Variants in SLC4A4 observed in about 807,000 individuals in gnomAD.
SLC4A4 encodes electrogenic sodium bicarbonate cotransporter 1.
SLC4A4 carries 27 observed loss-of-function variants against 111.5 expected under a neutral mutation model. The observed-to-expected ratio is 0.24, with a 90% CI of 0.18 to 0.33. SLC4A4 has a LOEUF of 0.33. Ranked by LOEUF, SLC4A4 falls within the 10% of genes least tolerant of loss-of-function variation. The pLI, the probability that SLC4A4 is intolerant of heterozygous loss-of-function variation, is 1.00. For missense variants in SLC4A4, 909 were observed against 1,315.5 expected, an observed-to-expected ratio of 0.69 and a Z score of 4.78; for synonymous variants, 443 against 463.4, an observed-to-expected ratio of 0.96 and a Z score of 0.57.
Position 71,283,158 on chromosome 4 carries a change from C to T in SLC4A4, c.253+27759C>T, listed in dbSNP as rs530131585. Among the ~76,000 whole-genome samples, 7 of 152,320 alleles carry T rather than the reference C, an allele frequency of 4.6e-5. No individual in the cohort carries two copies. The South Asian group carries it at 1.5e-3, about 32-fold the overall frequency. ...TGTAGCAACAATGACCAGAATTCTG[C>T]TGATTTGTTTTATATTTTGGAACAT... On this transcript the variant is annotated intron_variant, in intron 3 of 25. Coordinates refer to ENST00000264485, the MANE Select transcript of SLC4A4 (RefSeq NM_001098484.3).
At chr4:71,530,252 A>G (rs1336290165) in intron 16 of SLC4A4, among the ~76,000 whole-genome samples, 1 of 152,170 alleles carries the variant, frequency 6.6e-6, no homozygotes, top group Non-Finnish European at 1.5e-5. Context: ...AACTTGAAAT[A>G]ACAATAATTA....
At chr4:71,179,430 T>C (rs372361418) in intron 2 of SLC4A4, among the ~76,000 whole-genome samples, 2 of 152,336 alleles carry the variant, frequency 1.3e-5, no homozygotes, top group Admixed American at 6.5e-5. Context: ...TGTTTGCAGA[T>C]GACATGATTG....
chr4:71,511,199 T>G (rs1167244229), intron 16 of SLC4A4, among the ~76,000 whole-genome samples: 1 of 152,124 alleles, frequency 6.6e-6, no homozygotes, highest in Non-Finnish European at 1.5e-5. Context: ...CACTTACTTT[T>G]ATCAGTGAGT....
chr4:71,209,691 T>C (rs559187439), intron 1 of SLC4A4, among the ~76,000 whole-genome samples: 1 of 152,314 alleles, frequency 6.6e-6, no homozygotes, highest in African/African-American at 2.4e-5. Flanking sequence ...ATTTTTTTCC[T>C]TCCTGATTAT....
chr4:71,479,704 A>G (rs974178948), intron 14 of SLC4A4, among the ~76,000 whole-genome samples: 1 of 151,752 alleles, frequency 6.6e-6, no homozygotes, highest in Non-Finnish European at 1.5e-5. Flanking sequence ...AGCATCCCTC[A>G]GGCTTGCATT....
chr4:71,556,444 G>A (rs1043275643), intron 21 of SLC4A4, among the ~76,000 whole-genome samples: 1 of 151,892 alleles, frequency 6.6e-6, no homozygotes, highest in Admixed American at 6.6e-5. Flanking sequence ...TAATTACCTG[G>A]TCTAGATCAG....
At chr4:71,278,374 A>G (rs995684497) in intron 3 of SLC4A4, among the ~76,000 whole-genome samples, 1 of 152,164 alleles carries the variant, frequency 6.6e-6, no homozygotes, top group African/African-American at 2.4e-5. Context: ...TGTCTTAGAT[A>G]TTGTGAATAA....
In SLC4A4 at chr4:71,571,366, C is replaced by G. The variant is rs886059616; in HGVS notation, c.*3615C>G. The G allele has an allele frequency of 6.6e-6, 1 of 152,084 alleles. No homozygotes were observed. The highest frequency in any genetic ancestry group is 1.5e-5 in the Non-Finnish European group (1 of 67,858). The allele number at this position is 152,084 out of a possible 1,614,324, so 9.4% of individuals were successfully genotyped here. A position where few individuals can be genotyped will look rare whatever the true frequency, so the allele number is the denominator to read the frequency against. On this transcript the variant is annotated 3_prime_UTR_variant, in exon 26 of 26. Transcript: ENST00000264485. ...GCTCTTCACAGCATGAGCATGAAGC[C>G]CAGTGGCACCAAATGGCTGGGTACA...
At chr4:71,333,049 GT>G (rs1728147080) in intron 3 of SLC4A4, among the ~76,000 whole-genome samples, 1 of 152,182 alleles carries the variant, frequency 6.6e-6, no homozygotes, top group Non-Finnish European at 1.5e-5. Context: ...GTGAGGTCAT[GT>G]TTTCCTAGAT....
intron 3 of SLC4A4, among the ~76,000 whole-genome samples, chr4:71,309,667 C>T (rs1725977057): frequency 1.3e-5 from 2 of 152,098 alleles, no homozygotes; most frequent in Admixed American, 6.5e-5. Context: ...CACAGAAACC[C>T]CATCCAAATG....
At chr4:71,554,660 G>A (rs1560616716) in intron 20 of SLC4A4, among the ~76,000 whole-genome samples, 1 of 151,554 alleles carries the variant, frequency 6.6e-6, no homozygotes, top group Non-Finnish European at 1.5e-5. Flanking sequence ...ATTGAAAGAG[G>A]CATCTATATA....
At chr4:71,306,539 C>T (rs979137007) in intron 3 of SLC4A4, among the ~76,000 whole-genome samples, 16 of 151,776 alleles carry the variant, frequency 1.1e-4, no homozygotes, top group East Asian at 3.9e-4. Context: ...GCTGAGATTG[C>T]GCCACTGCAC....
Position 71,264,226 on chromosome 4 carries a change from T to C in SLC4A4, c.253+8827T>C, listed in dbSNP as rs192694322. ...TTCTGAAACAAGAGCATAACTGGAA[T>C]GTTCTATTCTTTTGCTATTTGCCAA... On this transcript the variant is annotated intron_variant, in intron 3 of 25. Transcript: ENST00000264485. Among the ~76,000 whole-genome samples, 23 of 152,314 alleles carry C rather than the reference T, an allele frequency of 1.5e-4. No individual in the cohort carries two copies. The East Asian group carries it at 4.4e-3, about 29-fold the overall frequency.
chr4:71,292,842 G>GTTTTTTTTT lies in SLC4A4; in HGVS notation c.253+37454_253+37462dup, dbSNP rs869195687. 1.8e-3 allele frequency among the ~76,000 whole-genome samples: 201 copies of GTTTTTTTTT among 110,116 alleles called. 3 individuals are homozygous for GTTTTTTTTT. The highest frequency in any genetic ancestry group is 0.011 in the Middle Eastern group (2 of 190). 72.2% of individuals were successfully genotyped at this position (110,116 alleles called of 152,430 possible). On this transcript the variant is annotated intron_variant, in intron 3 of 25. Transcript: ENST00000264485. The stretch of plus-strand genomic sequence containing the variant: ...GTATGTCTTACTTTTGGTTTTTTTT[G>GTTTTTTTTT]TTTTTTTTTTTTTTTTTTTGAGACA...
intron 1 of SLC4A4, among the ~76,000 whole-genome samples, chr4:71,068,584 G>A (rs1277962869): frequency 6.7e-5 from 10 of 149,536 alleles, no homozygotes; most frequent in Non-Finnish European, 1.3e-4. Flanking sequence ...TTTTTAGGCA[G>A]TGTCTTGCTC....
intron 4 of SLC4A4, among the ~76,000 whole-genome samples, chr4:71,341,387 A>G (rs1728893567): frequency 6.6e-6 from 1 of 152,190 alleles, no homozygotes; most frequent in Non-Finnish European, 1.5e-5. Context: ...ATAGATGGAA[A>G]AAGTATTTAT....
chr4:71,339,327 G>C, intron 3 of SLC4A4, 43 bp from the exon 4 acceptor site: 2 of 1,614,186 alleles, frequency 1.2e-6, no homozygotes, highest in Non-Finnish European at 1.7e-6. Flanking sequence ...TTTCCTCAGG[G>C]TTGTCCAGCC....
chr4:71,446,937 TG>T (rs1415996579), intron 8 of SLC4A4, among the ~76,000 whole-genome samples: 1 of 152,172 alleles, frequency 6.6e-6, no homozygotes, highest in African/African-American at 2.4e-5. Flanking sequence ...TGAACCTAAG[TG>T]GGGTTAAGTT....
intron 6 of SLC4A4, among the ~76,000 whole-genome samples, chr4:71,375,162 T>C (rs1166309368): frequency 6.6e-6 from 1 of 152,172 alleles, no homozygotes; most frequent in East Asian, 1.9e-4. Flanking sequence ...TAGTTGGGCA[T>C]ATGGAAACGC....
Sources: allele counts gnomAD v4.1 joint callset (sites outside exome capture counted in the v4.1 genomes callset), GRCh38; gene constraint gnomAD v4.1.1; transcripts MANE v1.5; gene names NCBI Gene and HGNC (gene_info 2026-07-23, HGNC 2026-07-21).